Variants in MOV10L1 observed in about 807,000 individuals in gnomAD.
MOV10L1 encodes the protein RNA helicase Mov10l1.
In MOV10L1, 110 loss-of-function variants were observed where a neutral mutation model predicts 143.8. The ratio of observed to expected loss-of-function variants is 0.76; its 90% CI spans 0.66 to 0.90. The LOEUF (loss-of-function observed/expected upper bound fraction) is 0.90. Ranked by LOEUF, MOV10L1 falls within the 40% of genes least tolerant of loss-of-function variation. The pLI, the probability that MOV10L1 is intolerant of heterozygous loss-of-function variation, is 0.00. For missense variants in MOV10L1, 1,406 were observed against 1,526.8 expected (o/e 0.92, Z 1.32); for synonymous variants, 593 against 581.1 (o/e 1.02, Z -0.29).
At chr22:50,094,399 AT>A (rs11420958) in intron 2 of MOV10L1, 26,066 of 132,248 alleles carry the variant, frequency 0.2, 1,654 homozygotes, top group Admixed American at 0.31. Flanking sequence ...AAAGCTTTCA[AT>A]TTTTTTTTTT....
At chr22:50,155,206 C>A (rs957129127) in intron 22 of MOV10L1, among the ~76,000 whole-genome samples, 3 of 151,164 alleles carry the variant, frequency 2.0e-5, no homozygotes, top group African/African-American at 7.3e-5. Context: ...ACAACAACAG[C>A]AAAATTAATT....
rs1352964858 is a variant in MOV10L1 at position 50,152,935 on chromosome 22, G to A, written c.2893-110G>A. 6.1e-6 allele frequency: 7 copies of A among 1,150,276 alleles called. No individual in the cohort carries two copies. Among genetic ancestry groups the A allele is most frequent in the Non-Finnish European group, 8.7e-6 (7 of 804,584 alleles). 71.3% of individuals were successfully genotyped at this position (1,150,276 alleles called of 1,614,324 possible). ...CACAGGGGCGCAGGAGCAGAGTCAG[G>A]CTTGGAAGTCAGGCAGGCCTCACGT... On this transcript the variant is annotated intron_variant, in intron 21 of 26. Transcript: ENST00000262794. The surrounding 1 kb of genome is among the most constrained non-coding windows in gnomAD (Gnocchi z 4.4).
Position 50,144,871 on chromosome 22 carries a change from G to A in MOV10L1, c.2505+628G>A, listed in dbSNP as rs1008540791. Among the ~76,000 whole-genome samples the A allele has an allele frequency of 1.1e-4, 16 of 152,284 alleles. 1 individual carries two copies. The highest frequency in any genetic ancestry group is 3.3e-4 in the Admixed American group (5 of 15,298). On this transcript the variant is annotated intron_variant, in intron 18 of 26. Transcript: ENST00000262794. ...GCTGGGATTACAGGCGTGAGCCACC[G>A]TGCCCGGCCTGGTTTGGTTTTAAGT...
chr22:50,128,732 G>A (rs1022245174), intron 13 of MOV10L1, among the ~76,000 whole-genome samples: 14 of 151,438 alleles, frequency 9.2e-5, no homozygotes, highest in African/African-American at 3.1e-4. Flanking sequence ...TTTAGTAGAG[G>A]CAGTGTTTCA....
chr22:50,143,103 A>C lies in MOV10L1; in HGVS notation c.2240A>C (p.Glu747Ala). The C allele has an allele frequency of 6.2e-7, 1 of 1,614,234 alleles. No homozygotes were observed. Among genetic ancestry groups the C allele is most frequent in the Non-Finnish European group, 8.5e-7 (1 of 1,180,010 alleles). Residue 747 changes from glutamate to alanine, a missense_variant, in exon 17 of 27, where the codon GAA becomes GCA. By Grantham distance (107) the Glu-to-Ala change is moderately radical. Transcript: ENST00000262794. The stretch of plus-strand genomic sequence containing the variant: ...GAGTTTTTCAACCCAGTGCTAAATG[A>C]AAATCAGAAGTTAGCAGTTAAAAGG... The part of the protein sequence containing the change: ...KMEFFNPVLN[E>A]NQKLAVKRIL...
intron 5 of MOV10L1, among the ~76,000 whole-genome samples, chr22:50,111,899 T>C (rs1385959277): frequency 6.6e-6 from 1 of 152,206 alleles, no homozygotes; most frequent in Non-Finnish European, 1.5e-5. Context: ...CCCGATAGAA[T>C]GCAGGTTCTG....
intron 8 of MOV10L1, 85 bp downstream of exon 8, chr22:50,115,331 G>T (rs1316874524): frequency 1.5e-6 from 2 of 1,376,640 alleles, no homozygotes; most frequent in South Asian, 3.9e-5. Context: ...GTACTCCTTT[G>T]TGGCGGGTGG....
intron 19 of MOV10L1, among the ~76,000 whole-genome samples, chr22:50,148,764 C>T (rs1467102089): frequency 2.6e-5 from 4 of 151,830 alleles, no homozygotes; most frequent in African/African-American, 9.7e-5. Flanking sequence ...CCCAGGTTCA[C>T]GCCATTCTCC....
rs1297207948 is a variant in MOV10L1 at position 50,113,710 on chromosome 22, G to A, written c.806G>A (p.Gly269Asp). 3.1e-6 allele frequency: 5 copies of A among 1,613,996 alleles called. No individual in the cohort carries two copies. The highest frequency in any genetic ancestry group is 4.2e-6 in the Non-Finnish European group (5 of 1,180,022). The change falls in exon 6 of 27, where the codon GGT becomes GAT. Residue 269 changes from glycine to aspartate, a missense_variant. Physicochemically the swap from Gly to Asp is moderately conservative, Grantham distance 94. Transcript: ENST00000262794. ...GGAACGATTTTGCTGAAGAACAAAG[G>A]TGATATTGAAGTTACACAGGTGACG... ...FYGTILLKNK[G>D]DIEVTQVTHF...
chr22:50,143,965 G>A (rs964666243), intron 17 of MOV10L1, 132 bp from the exon 18 acceptor site: 42 of 1,188,198 alleles, frequency 3.5e-5, no homozygotes, highest in Admixed American at 1.2e-4. Flanking sequence ...AGGTCTCAGT[G>A]TGTTGGGGGC....
At chr22:50,095,323 T>G (rs949472941) in intron 2 of MOV10L1, 18 of 152,252 alleles carry the variant, frequency 1.2e-4, no homozygotes, top group African/African-American at 4.3e-4. Context: ...CCAATGTTAG[T>G]ATTTATGGAC....
chr22:50,112,936 G>A (rs1431895499), intron 5 of MOV10L1, among the ~76,000 whole-genome samples: 13 of 152,200 alleles, frequency 8.5e-5, no homozygotes, highest in Admixed American at 7.2e-4. Context: ...ACAGGCACCC[G>A]CCAGGAGGGG....
At chr22:50,116,620 T>C (rs958297361) in intron 8 of MOV10L1, among the ~76,000 whole-genome samples, 5 of 151,744 alleles carry the variant, frequency 3.3e-5, no homozygotes, top group African/African-American at 1.2e-4. Flanking sequence ...CCTACTCTTA[T>C]ATGTGTTAGG....
chr22:50,116,297 AT>A (rs2062173335), intron 8 of MOV10L1, among the ~76,000 whole-genome samples: 1 of 152,040 alleles, frequency 6.6e-6, no homozygotes, highest in Admixed American at 6.5e-5. Context: ...AATAAAAAAA[AT>A]TAGCTGGGCG....
intron 2 of MOV10L1, among the ~76,000 whole-genome samples, chr22:50,097,012 C>T (rs1292292933): frequency 6.6e-6 from 1 of 152,168 alleles, no homozygotes; most frequent in Non-Finnish European, 1.5e-5. Flanking sequence ...GCATGTACTT[C>T]TGATGTCACA....
At position 50,120,513 on chromosome 22, in the gene MOV10L1, G is replaced by A. The variant is rs563504496; in HGVS notation, c.1466G>A (p.Arg489Gln). Reference sequence around the variant, plus strand: ...CTTAATTTTTTAAGGAACTCAAGACGACAACTTCCAAGTTTTCTTCCCCAA... The same window carrying A: ...CTTAATTTTTTAAGGAACTCAAGACAACAACTTCCAAGTTTTCTTCCCCAA... The part of the protein sequence containing the change: ...VVTAQKRNSR[R>Q]QLPSFLPQYP... Residue 489 changes from arginine (R) to glutamine (Q), a missense_variant, in exon 10 of 27, where the codon CGA (arginine) becomes CAA (glutamine). By Grantham distance (43) the Arg-to-Gln change is conservative. This residue lies in a region of MOV10L1 where 1,233 missense variants were observed against 1,351.4 expected (regional missense o/e 0.91). Transcript: ENST00000262794. 6.2e-5 allele frequency: 99 copies of A among 1,609,710 alleles called. No homozygotes were observed. Among genetic ancestry groups the A allele is most frequent in the Admixed American group, 1.2e-4 (7 of 59,576 alleles).
intron 10 of MOV10L1, among the ~76,000 whole-genome samples, chr22:50,121,626 C>A (rs540957130): frequency 6.6e-6 from 1 of 152,230 alleles, no homozygotes. Flanking sequence ...GAGCGCAGTC[C>A]TCTGTCCCCC....
intron 19 of MOV10L1, among the ~76,000 whole-genome samples, chr22:50,146,165 G>A (rs1426830166): frequency 7.9e-6 from 1 of 126,114 alleles, no homozygotes; most frequent in Admixed American, 9.2e-5. Flanking sequence ...GCGGGCTGTG[G>A]AGGGGCCTTT....
chr22:50,137,771 TA>T (rs1279512702), intron 15 of MOV10L1, among the ~76,000 whole-genome samples: 1 of 95,548 alleles, frequency 1.0e-5, no homozygotes, highest in South Asian at 3.9e-4. Flanking sequence ...ATACATATTT[TA>T]TATATATACA....
Sources: allele counts gnomAD v4.1 joint callset (sites outside exome capture counted in the v4.1 genomes callset), GRCh38; gene constraint gnomAD v4.1.1; regional missense constraint gnomAD v4.1.1; non-coding constraint Gnocchi (gnomAD v3.1); transcripts MANE v1.5; gene names NCBI Gene and HGNC (gene_info 2026-07-23, HGNC 2026-07-21).